GPHN: variants seen among roughly 807,000 people sequenced by gnomAD.
GPHN encodes gephyrin.
GPHN carries 17 observed loss-of-function variants against 95.5 expected under a neutral mutation model. The ratio of observed to expected loss-of-function variants is 0.18; its 90% CI spans 0.12 to 0.27. The LOEUF (loss-of-function observed/expected upper bound fraction) is 0.27, where lower values mean the gene tolerates loss of function less well. GPHN is among the 10% of genes least tolerant of loss of function. The pLI is 1.00. For missense variants in GPHN, 660 were observed against 978.1 expected, an observed-to-expected ratio of 0.67 and a Z score of 4.34; for synonymous variants, 320 against 322.5, an observed-to-expected ratio of 0.99 and a Z score of 0.08.
At chr14:67,449,650 C>T in the GPHN span, among the ~76,000 whole-genome samples, 57 of 152,202 alleles carry the variant, frequency 3.7e-4, no homozygotes, top group Non-Finnish European at 5.6e-4. Flanking sequence ...TGGTTTGGCT[C>T]TGTGTTCCCA....
intron 1 of GPHN, among the ~76,000 whole-genome samples, chr14:66,534,799 C>A (rs1315493614): frequency 6.6e-6 from 1 of 151,936 alleles, no homozygotes; most frequent in Non-Finnish European, 1.5e-5. Context: ...TGGTGATCAC[C>A]TTTTAATATT....
At chr14:67,665,307 G>A in the GPHN span, among the ~76,000 whole-genome samples, 47 of 141,150 alleles carry the variant, frequency 3.3e-4, no homozygotes, top group East Asian at 9.3e-3. Context: ...CTGGAGTGAA[G>A]TGGCATGATT....
At chr14:66,763,222 CTT>C (rs34959102) in intron 2 of GPHN, among the ~76,000 whole-genome samples, 3,177 of 144,296 alleles carry the variant, frequency 0.022, 32 homozygotes, top group East Asian at 0.029. Context: ...TTTTTTTAAT[CTT>C]TTTTTTTTTT....
the GPHN span, among the ~76,000 whole-genome samples, chr14:67,685,403 G>A: frequency 6.6e-6 from 1 of 152,074 alleles, no homozygotes; most frequent in Non-Finnish European, 1.5e-5. Context: ...CAGTGCTAAG[G>A]ACCTCTGTGT....
At chr14:66,780,523 T>C (rs1361642921) in intron 3 of GPHN, among the ~76,000 whole-genome samples, 1 of 146,120 alleles carries the variant, frequency 6.8e-6, no homozygotes, top group Non-Finnish European at 1.5e-5. Context: ...AGGAATCAGC[T>C]TTTTTTTTTT....
chr14:67,489,609 G>A, the GPHN span, among the ~76,000 whole-genome samples: 15 of 152,210 alleles, frequency 9.9e-5, no homozygotes, highest in Non-Finnish European at 2.1e-4. Context: ...TTGCGATGCC[G>A]TCCCACAACC....
chr14:67,473,252 G>GC, the GPHN span: 4 of 885,230 alleles, frequency 4.5e-6, no homozygotes, highest in East Asian at 2.6e-5. This position sits in a 1 kb window ranked among gnomAD's most constrained non-coding sequence, Gnocchi z 6.5. Context: ...CCTGACCACG[G>GC]CCCCCCAACA....
At chr14:67,259,375 C>T in the GPHN span, among the ~76,000 whole-genome samples, 1 of 151,966 alleles carries the variant, frequency 6.6e-6, no homozygotes, top group Admixed American at 6.6e-5. Context: ...CTTTGGGAGG[C>T]CAAGGCAGGC....
the GPHN span, among the ~76,000 whole-genome samples, chr14:67,260,784 A>C: frequency 6.6e-6 from 1 of 152,190 alleles, no homozygotes; most frequent in Non-Finnish European, 1.5e-5. Context: ...TTAAATTAAT[A>C]AACTTCCTTT....
chr14:67,487,912 C>T, the GPHN span, among the ~76,000 whole-genome samples: 3 of 152,338 alleles, frequency 2.0e-5, no homozygotes, highest in African/African-American at 7.2e-5. Context: ...GCGTGAGCCA[C>T]TGTGCCTGGC....
chr14:67,149,968 T>G (rs954945956), intron 18 of GPHN, among the ~76,000 whole-genome samples: 2 of 152,278 alleles, frequency 1.3e-5, no homozygotes, highest in East Asian at 1.9e-4. Context: ...ATATTCTTTT[T>G]AAAAAGCTAA....
intron 10 of GPHN, among the ~76,000 whole-genome samples, chr14:67,058,091 T>C (rs1279266942): frequency 1.3e-5 from 2 of 152,202 alleles, no homozygotes; most frequent in African/African-American, 4.8e-5. Context: ...AGCAGCAATA[T>C]CATTCTGCCT....
intron 18 of GPHN, among the ~76,000 whole-genome samples, chr14:67,146,360 A>G (rs2080897103): frequency 6.6e-6 from 1 of 152,182 alleles, no homozygotes; most frequent in African/African-American, 2.4e-5. Context: ...CATTTTTACA[A>G]AACACTGAAA....
At chr14:67,275,126 G>A in the GPHN span, among the ~76,000 whole-genome samples, 3 of 152,122 alleles carry the variant, frequency 2.0e-5, no homozygotes, top group South Asian at 2.1e-4. Context: ...TCTCCTGCCC[G>A]ATTGCCTTGG....
intron 1 of GPHN, among the ~76,000 whole-genome samples, chr14:66,549,074 G>A (rs1003758823): frequency 6.6e-6 from 1 of 151,880 alleles, no homozygotes; most frequent in Non-Finnish European, 1.5e-5. Flanking sequence ...TGTATTATGT[G>A]TTAATTTATA....
chr14:67,562,064 A>G, the GPHN span: 1 of 1,610,578 alleles, frequency 6.2e-7, no homozygotes, highest in Non-Finnish European at 8.5e-7. Context: ...GCAGGTGTGC[A>G]GTACGTGTGT....
At chr14:67,664,952 C>T in the GPHN span, among the ~76,000 whole-genome samples, 1 of 152,158 alleles carries the variant, frequency 6.6e-6, no homozygotes, top group African/African-American at 2.4e-5. Flanking sequence ...CTGCAAACTC[C>T]AACTCCTGGG....
the GPHN span, among the ~76,000 whole-genome samples, chr14:67,242,634 T>G: frequency 1.3e-5 from 2 of 152,198 alleles, no homozygotes; most frequent in South Asian, 2.1e-4. Flanking sequence ...ACGATTTTTT[T>G]TTTTTACTAG....
intron 2 of GPHN, among the ~76,000 whole-genome samples, chr14:66,713,645 A>AT (rs967871637): frequency 2.1e-5 from 3 of 146,298 alleles, no homozygotes; most frequent in Admixed American, 6.8e-5. Context: ...GAATGTTAGA[A>AT]TTTTTTTTTT....
Sources: allele counts gnomAD v4.1 joint callset (sites outside exome capture counted in the v4.1 genomes callset), GRCh38; gene constraint gnomAD v4.1.1; non-coding constraint Gnocchi (gnomAD v3.1); transcripts MANE v1.5; gene names NCBI Gene and HGNC (gene_info 2026-07-23, HGNC 2026-07-21).